The following NFU1 variants were observed in gnomAD, a reference collection of about 807,000 sequenced individuals.
The protein encoded by NFU1 is NFU1 iron-sulfur cluster scaffold homolog, mitochondrial.
NFU1 carries 30 observed loss-of-function variants against 32.2 expected under a neutral mutation model. That is an observed-to-expected ratio of 0.93 (90% CI 0.70 to 1.26). The LOEUF is 1.26. NFU1 is among the 50% of genes most tolerant of loss of function. The probability of loss-of-function intolerance (pLI) is 0.00; values close to 1 mark genes in which losing one functional copy is unlikely to be tolerated. For synonymous variants in NFU1, 112 were observed against 104.6 expected (o/e 1.07, Z -0.43); for missense variants, 306 against 306.6 (o/e 1.00, Z 0.02).
chr2:69,428,242 T>C (rs1371153138), intron 2 of NFU1, among the ~76,000 whole-genome samples: 1 of 152,030 alleles, frequency 6.6e-6, no homozygotes, highest in Non-Finnish European at 1.5e-5. Context: ...CTGGTCAACA[T>C]GGTAAAACCC....
intron 5 of NFU1, among the ~76,000 whole-genome samples, chr2:69,411,721 T>C (rs1672885750): frequency 6.6e-6 from 1 of 151,946 alleles, no homozygotes; most frequent in African/African-American, 2.4e-5. Context: ...GCTTGTCAAG[T>C]AGGTGGGACT....
intron 4 of NFU1, chr2:69,416,232 C>T (rs917385840): frequency 1.3e-5 from 2 of 149,874 alleles, no homozygotes; most frequent in Non-Finnish European, 3.0e-5. Context: ...CCTGTTTAAA[C>T]GAATTTCAGA....
intron 1 of NFU1, among the ~76,000 whole-genome samples, chr2:69,432,558 G>C (rs1179077543): frequency 1.3e-5 from 2 of 151,276 alleles, no homozygotes. Context: ...TGGGCAACAA[G>C]AGTGAAACTC....
At chr2:69,438,537 C>T (rs1673935356), upstream of NFU1, among the ~76,000 whole-genome samples, 1 of 152,156 alleles carries the variant, frequency 6.6e-6, no homozygotes, top group Admixed American at 6.5e-5. Flanking sequence ...TCCAAAAGCT[C>T]TTAGGTTACC....
intron 2 of NFU1, among the ~76,000 whole-genome samples, chr2:69,428,678 T>C (rs961150592): frequency 6.6e-6 from 1 of 152,136 alleles, no homozygotes; most frequent in Non-Finnish European, 1.5e-5. Flanking sequence ...TTATCTAACA[T>C]TGCCAGGCAT....
At chr2:69,437,640 C>T (rs867720225), upstream of NFU1, 8 of 650,306 alleles carry the variant, frequency 1.2e-5, no homozygotes, top group South Asian at 1.3e-4. Context: ...TTTGCGCCAA[C>T]GCTTGGTTAA....
intron 2 of NFU1, among the ~76,000 whole-genome samples, chr2:69,427,365 A>C (rs1054162911): frequency 9.3e-5 from 14 of 149,954 alleles, no homozygotes; most frequent in African/African-American, 3.2e-4. Context: ...AGCCTGGGCA[A>C]AAAGAGCAAA....
chr2:69,426,072 A>C (rs1236719746), intron 2 of NFU1, among the ~76,000 whole-genome samples: 1 of 152,180 alleles, frequency 6.6e-6, no homozygotes, highest in African/African-American at 2.4e-5. Context: ...TTCTGGATTC[A>C]AGCGATTCTC....
chr2:69,421,082 T>TA (rs958315512), intron 3 of NFU1, among the ~76,000 whole-genome samples: 15 of 152,138 alleles, frequency 9.9e-5, no homozygotes, highest in African/African-American at 3.6e-4. Flanking sequence ...CATGTGCCTA[T>TA]AGTCCCAATT....
At chr2:69,436,556 A>C (rs1340984520) in intron 1 of NFU1, among the ~76,000 whole-genome samples, 1 of 152,220 alleles carries the variant, frequency 6.6e-6, no homozygotes, top group Non-Finnish European at 1.5e-5. Flanking sequence ...TTCAAGGAAG[A>C]CATCTACTCA....
intron 3 of NFU1, among the ~76,000 whole-genome samples, chr2:69,421,884 T>C (rs373289256): frequency 2.6e-4 from 40 of 152,192 alleles, no homozygotes; most frequent in African/African-American, 9.4e-4. Context: ...ATCTCTAACA[T>C]ACAGTAGTCC....
rs549265337 is a variant in NFU1 at position 69,418,023 on chromosome 2, G to A, written c.369+1515C>T. On this transcript the variant is annotated intron_variant, in intron 4 of 7. Transcript: ENST00000410022. ...GTAAGAATTAGATAACATATGTAAA[G>A]CACTAGGGCCATATCCGACATTGAA... is the stretch of plus-strand genomic sequence containing the variant. Among the ~76,000 whole-genome samples the A allele has an allele frequency of 9.9e-5, 15 of 152,194 alleles. No individual in the cohort carries two copies. In the East Asian group the frequency reaches 2.9e-3, roughly 29 times the overall value.
At chr2:69,437,945 G>A (rs1673914681), upstream of NFU1, among the ~76,000 whole-genome samples, 1 of 152,166 alleles carries the variant, frequency 6.6e-6, no homozygotes, top group Non-Finnish European at 1.5e-5. Context: ...CTGCCACTTG[G>A]TCATCTTGGA....
chr2:69,396,419 A>C, intron 7 of NFU1, 129 bp from the exon 8 acceptor site: 1 of 635,666 alleles, frequency 1.6e-6, no homozygotes. Context: ...GTAAGAATAA[A>C]TCTATCAACA....
chr2:69,415,839 C>A (rs1015886458), intron 4 of NFU1, among the ~76,000 whole-genome samples: 2 of 152,028 alleles, frequency 1.3e-5, no homozygotes, highest in African/African-American at 4.8e-5. Context: ...TCTTAAGAAG[C>A]TTTTCCTGGT....
intron 7 of NFU1, among the ~76,000 whole-genome samples, chr2:69,398,434 C>T (rs1268938594): frequency 6.6e-6 from 1 of 152,190 alleles, no homozygotes; most frequent in Non-Finnish European, 1.5e-5. Flanking sequence ...TGCTAATCTG[C>T]CACATTGACT....
At position 69,423,579 on chromosome 2, in the gene NFU1, T is replaced by C. The variant is rs559190059; in HGVS notation, c.302+3A>G. 6.8e-6 allele frequency: 11 copies of C among 1,612,938 alleles called. No homozygotes were observed. The highest frequency in any genetic ancestry group is 4.0e-5 in the African/African-American group (3 of 75,018). ...GTAAAAGCAAATGAAAACAGTAATA[T>C]ACCTAGCCAGAGGGGAGCGAAATGC... On this transcript the variant is annotated splice_donor_region_variant and intron_variant, in intron 3 of 7. Coordinates refer to ENST00000410022, the MANE Select transcript of NFU1 (RefSeq NM_001002755.4).
At chr2:69,414,788 C>CT (rs1015733104) in intron 5 of NFU1, among the ~76,000 whole-genome samples, 15 of 151,750 alleles carry the variant, frequency 9.9e-5, no homozygotes, top group African/African-American at 2.9e-4. Context: ...TTAGCGGTTT[C>CT]TTTTTTTTAC....
chr2:69,433,629 T>C (rs1673725736), intron 1 of NFU1, among the ~76,000 whole-genome samples: 2 of 151,242 alleles, frequency 1.3e-5, no homozygotes, highest in African/African-American at 4.9e-5. Flanking sequence ...GTGTACACCA[T>C]CACACCCGGC....
Sources: allele counts gnomAD v4.1 joint callset (sites outside exome capture counted in the v4.1 genomes callset), GRCh38; gene constraint gnomAD v4.1.1; transcripts MANE v1.5; gene names NCBI Gene and HGNC (gene_info 2026-07-23, HGNC 2026-07-21).